The following KDM2B variants were observed in gnomAD, a reference collection of about 807,000 sequenced individuals.
KDM2B encodes lysine demethylase 2B, also known as lysine-specific demethylase 2B.
In KDM2B, 26 loss-of-function variants were observed where a neutral mutation model predicts 150.0. The ratio of observed to expected loss-of-function variants is 0.17; its 90% CI spans 0.13 to 0.24. The LOEUF is 0.24. Among genes scored for constraint, KDM2B ranks in the 10% least tolerant of loss-of-function variants. KDM2B has a pLI of 1.00. For missense variants in KDM2B, 1,265 were observed against 1,816.9 expected (o/e 0.70, Z 5.52); for synonymous variants, 734 against 729.5 (o/e 1.01, Z -0.10).
At chr12:121,435,429 C>T (rs782670634) in intron 22 of KDM2B, among the ~76,000 whole-genome samples, 3 of 152,256 alleles carry the variant, frequency 2.0e-5, no homozygotes, top group African/African-American at 4.8e-5. Flanking sequence ...TAGAACACCT[C>T]CAAGGTGTTT....
chr12:121,547,177 T>C (rs542636178), intron 6 of KDM2B, among the ~76,000 whole-genome samples: 328 of 152,230 alleles, frequency 2.2e-3, no homozygotes, highest in Non-Finnish European at 4.0e-3. Flanking sequence ...GTCTTGTTCC[T>C]GTTTTTACTT....
rs545112048 is a variant in KDM2B, at chr12:121,494,571, C to T, written c.1734+8G>A. On this transcript the variant is annotated splice_region_variant and intron_variant, in intron 12 of 22. Transcript: ENST00000377071. ...GCGGCCGCCCGCTGCAGGCAGGCTG[C>T]GTCTTACCTTTGGAGTCTTCTTTGG... 1.6e-5 allele frequency: 25 copies of T among 1,610,068 alleles called. No homozygotes were observed. Among genetic ancestry groups the T allele is most frequent in the African/African-American group, 2.7e-5 (2 of 74,942 alleles).
At chr12:121,509,049 G>A (rs546494149) in intron 11 of KDM2B, among the ~76,000 whole-genome samples, 1 of 152,086 alleles carries the variant, frequency 6.6e-6, no homozygotes, top group South Asian at 2.1e-4. Flanking sequence ...TTCCAAAAGG[G>A]GGTCCTCTAC....
intron 11 of KDM2B, among the ~76,000 whole-genome samples, chr12:121,508,493 G>A (rs1162272253): frequency 2.0e-5 from 3 of 152,148 alleles, no homozygotes; most frequent in Non-Finnish European, 4.4e-5. Flanking sequence ...TACAGCCACC[G>A]AAGAAGAAAC....
Position 121,521,104 on chromosome 12 carries a change from G to C in KDM2B, c.932-4C>G. On this transcript the variant is annotated splice_region_variant and splice_polypyrimidine_tract_variant and intron_variant, in intron 8 of 22. Coordinates refer to ENST00000377071, the MANE Select transcript of KDM2B (RefSeq NM_032590.5). This position sits in a 1 kb window ranked among gnomAD's most constrained non-coding sequence, Gnocchi z 4.9. ...GTGTAGACGGCATGGATCCAACCTG[G>C]GGTGGGAAGGGCAAGGAGAGGATGA... is the stretch of plus-strand genomic sequence containing the variant. The C allele has an allele frequency of 6.2e-7, 1 of 1,606,242 alleles. No homozygotes were observed. Among genetic ancestry groups the C allele is most frequent in the Non-Finnish European group, 8.5e-7 (1 of 1,173,228 alleles).
chr12:121,544,710 C>T (rs1435411861), intron 6 of KDM2B, among the ~76,000 whole-genome samples: 7 of 150,908 alleles, frequency 4.6e-5, no homozygotes, highest in Non-Finnish European at 8.9e-5. Flanking sequence ...GTCAGGAGTT[C>T]GAGACCGGCC....
At position 121,429,394 on chromosome 12, in the gene KDM2B, C is replaced by T. The variant is rs1218697677; in HGVS notation, c.*894G>A. ...AGGCTATGTGGGAGCATTTATTCTA[C>T]GTCTTGACTCACTGTATAAATTAGA... On this transcript the variant is annotated 3_prime_UTR_variant, in exon 23 of 23. Transcript: ENST00000377071. The T allele has an allele frequency of 6.5e-6, 1 of 152,790 alleles. No homozygotes were observed. The highest frequency in any genetic ancestry group is 1.5e-5 in the Non-Finnish European group (1 of 68,154). The allele number at this position is 152,790 out of a possible 1,614,324, so 9.5% of individuals were successfully genotyped here. A position where few individuals can be genotyped will look rare whatever the true frequency, so the allele number is the denominator to read the frequency against.
At chr12:121,450,642 G>A (rs1243416603) in intron 13 of KDM2B, among the ~76,000 whole-genome samples, 2 of 152,094 alleles carry the variant, frequency 1.3e-5, no homozygotes, top group African/African-American at 4.8e-5. Flanking sequence ...GGTGGATCAC[G>A]AGGTCAGGAG....
At chr12:121,470,569 C>T (rs1424429677) in intron 12 of KDM2B, 3 of 152,218 alleles carry the variant, frequency 2.0e-5, no homozygotes, top group Non-Finnish European at 2.9e-5. Context: ...CATGATCTCA[C>T]TTATTCCTTT....
chr12:121,531,798 C>A (rs1031472188), intron 8 of KDM2B, among the ~76,000 whole-genome samples: 8 of 152,128 alleles, frequency 5.3e-5, no homozygotes, highest in African/African-American at 1.9e-4. Flanking sequence ...AGGAACAAAA[C>A]CTCCTTCCTA....
intron 12 of KDM2B, chr12:121,494,347 C>G (rs1337001534): frequency 2.2e-6 from 1 of 463,852 alleles, no homozygotes; most frequent in Non-Finnish European, 3.9e-6. Flanking sequence ...CAGCACCCCC[C>G]AGTTTTCCAA....
At chr12:121,458,211 C>CA (rs1184619079) in intron 12 of KDM2B, among the ~76,000 whole-genome samples, 1 of 151,200 alleles carries the variant, frequency 6.6e-6, no homozygotes. Flanking sequence ...AGCAAGATTC[C>CA]AAAAAAATAA....
intron 11 of KDM2B, among the ~76,000 whole-genome samples, chr12:121,500,357 G>C (rs1293321744): frequency 6.6e-6 from 1 of 152,208 alleles, no homozygotes; most frequent in Non-Finnish European, 1.5e-5. Context: ...TTTTCGAAGA[G>C]AAAGATCCAA....
intron 17 of KDM2B, 114 bp downstream of exon 17, chr12:121,443,566 T>TG (rs1875563435): frequency 1.4e-6 from 1 of 717,580 alleles, no homozygotes; most frequent in Non-Finnish European, 2.5e-6. Context: ...GGCCGAGACC[T>TG]GGGAAGCCTC....
At chr12:121,503,421 G>A (rs2140639686) in intron 11 of KDM2B, among the ~76,000 whole-genome samples, 1 of 152,126 alleles carries the variant, frequency 6.6e-6, no homozygotes, top group South Asian at 2.1e-4. Flanking sequence ...CTTTCAAGTA[G>A]CTGGGACTAC....
At chr12:121,572,294 C>T (rs1891156563) in intron 4 of KDM2B, among the ~76,000 whole-genome samples, 1 of 152,168 alleles carries the variant, frequency 6.6e-6, no homozygotes, top group Admixed American at 6.5e-5. Context: ...TTTAAAGCTC[C>T]CCAGTGGCTT....
intron 6 of KDM2B, among the ~76,000 whole-genome samples, 199 bp downstream of exon 6, chr12:121,548,678 C>A (rs1201613194): frequency 6.6e-6 from 1 of 152,234 alleles, no homozygotes; most frequent in African/African-American, 2.4e-5. Flanking sequence ...AGAGCCCCTG[C>A]AGCCAACCTG....
downstream of KDM2B, among the ~76,000 whole-genome samples, chr12:121,428,487 A>AAAC (rs1555284583): frequency 8.2e-6 from 1 of 122,140 alleles, no homozygotes; most frequent in African/African-American, 3.1e-5. Flanking sequence ...ATTTTAATTA[A>AAAC]AACTGTTTTG....
intron 8 of KDM2B, among the ~76,000 whole-genome samples, chr12:121,528,257 C>T (rs184937716): frequency 1.3e-5 from 2 of 152,276 alleles, no homozygotes; most frequent in Admixed American, 1.3e-4. Context: ...AGAATAGCAC[C>T]ATTTAAAATC....
Sources: allele counts gnomAD v4.1 joint callset (sites outside exome capture counted in the v4.1 genomes callset), GRCh38; gene constraint gnomAD v4.1.1; non-coding constraint Gnocchi (gnomAD v3.1); transcripts MANE v1.5; gene names NCBI Gene and HGNC (gene_info 2026-07-23, HGNC 2026-07-21).